Variants in MDM1 observed in about 807,000 individuals in gnomAD.
MDM1 encodes Mdm1 nuclear protein.
A neutral mutation model predicts 89.1 loss-of-function variants in MDM1; 61 were observed. That is an observed-to-expected ratio of 0.68 (90% CI 0.56 to 0.85). The LOEUF is 0.85. Among genes scored for constraint, MDM1 ranks in the 40% least tolerant of loss-of-function variants. The pLI is 0.00. For synonymous variants in MDM1, 290 were observed against 294.1 expected, an observed-to-expected ratio of 0.99 and a Z score of 0.14; for missense variants, 820 against 846.5, an observed-to-expected ratio of 0.97 and a Z score of 0.39.
rs1565781119 is a variant in MDM1 at position 68,321,433 on chromosome 12, CG to C, written c.918del (p.Glu307AsnfsTer7). ...WKHQRLGKVNSEYRAKFLSPA... is the reference protein window; with the variant it reads ...WKHQRLGKVNXEYRAKFLSPA... ...GGGCTCAGAAATTTTGCTCTATATT[CG>C]GAATTCACCTTCCTAATAGAAATGA... On this transcript the variant is annotated frameshift_variant, in exon 7 of 15. Transcript: ENST00000682720. LOFTEE classifies it high-confidence loss of function. The C allele has an allele frequency of 6.2e-7, 1 of 1,613,318 alleles. No homozygotes were observed. The highest frequency in any genetic ancestry group is 8.5e-7 in the Non-Finnish European group (1 of 1,179,696).
rs1416447633 is a variant in MDM1 at position 68,321,406 on chromosome 12, C to T, written c.946G>A (p.Ala316Thr). Residue 316 changes from alanine to threonine, a missense_variant, in exon 7 of 15, where the codon GCT becomes ACT. Transcript: ENST00000682720. The part of the protein sequence containing the change: ...SEYRAKFLSP[A>T]QYLYKAGAWT... ...GCCCCAGCTTTATATAAATACTGAG[C>T]TGGGCTCAGAAATTTTGCTCTATAT... 6.2e-7 allele frequency: 1 copy of T among 1,613,708 alleles called. No individual in the cohort carries two copies. Among genetic ancestry groups the T allele is most frequent in the Non-Finnish European group, 8.5e-7 (1 of 1,179,890 alleles).
At chr12:68,328,080 C>G (rs1876272363) in intron 2 of MDM1, among the ~76,000 whole-genome samples, 2 of 152,290 alleles carry the variant, frequency 1.3e-5, no homozygotes, top group South Asian at 4.1e-4. Flanking sequence ...ACCTCTTAAC[C>G]AGCCTGAAAC....
chr12:68,319,556 A>T (rs1874949554), intron 7 of MDM1, among the ~76,000 whole-genome samples: 1 of 152,218 alleles, frequency 6.6e-6, no homozygotes, highest in East Asian at 1.9e-4. Flanking sequence ...TCAGATGCCT[A>T]TAGTAAATGA....
rs1874033410 is a variant in MDM1, at chr12:68,313,710, T to C, written c.1573A>G (p.Thr525Ala). The change falls in exon 11 of 15, where the codon ACT (threonine) becomes GCT (alanine). Residue 525 changes from threonine to alanine, a missense_variant. By Grantham distance (58) the Thr-to-Ala change is moderately conservative. Coordinates refer to ENST00000682720, the MANE Select transcript of MDM1 (RefSeq NM_001354969.2). ...VSSEKGGRLP[T>A]PKLRELGGIQ... ...CCACCAAGTTCTCTCAGCTTGGGAG[T>C]AGGAAGCCGGCCTCCTTTTTCTGAG... The C allele has an allele frequency of 1.2e-6, 2 of 1,614,092 alleles. No homozygotes were observed. The highest frequency in any genetic ancestry group is 1.1e-5 in the South Asian group (1 of 91,080).
intron 13 of MDM1, among the ~76,000 whole-genome samples, chr12:68,299,638 G>GA (rs1202191219): frequency 7.3e-5 from 11 of 150,654 alleles, no homozygotes; most frequent in Non-Finnish European, 1.2e-4. Flanking sequence ...CAAAAATAAA[G>GA]AAAAAAGAAT....
intron 12 of MDM1, 76 bp from the exon 13 acceptor site, chr12:68,302,948 G>A: frequency 1.5e-6 from 2 of 1,317,160 alleles, no homozygotes; most frequent in Non-Finnish European, 1.0e-6. Flanking sequence ...ACATTTAAAT[G>A]CAAAAAACAT....
chr12:68,326,039 T>A, intron 3 of MDM1: 1 of 995,054 alleles, frequency 1.0e-6, no homozygotes, highest in Non-Finnish European at 1.2e-6. Context: ...CTCTTCAGGG[T>A]CCCAGTCAGT....
chr12:68,323,981 T>C (rs950887209), intron 4 of MDM1, among the ~76,000 whole-genome samples: 1 of 152,146 alleles, frequency 6.6e-6, no homozygotes, highest in African/African-American at 2.4e-5. Flanking sequence ...AGAAAGCAGG[T>C]GTCTGATAAA....
intron 2 of MDM1, among the ~76,000 whole-genome samples, chr12:68,327,847 T>C (rs897328319): frequency 4.6e-5 from 7 of 152,206 alleles, no homozygotes; most frequent in African/African-American, 1.7e-4. Flanking sequence ...ACCACAGGTC[T>C]TCTCACTGGG....
chr12:68,296,880 A>T, intron 14 of MDM1, 43 bp downstream of exon 14: 1 of 1,379,612 alleles, frequency 7.2e-7, no homozygotes, highest in Non-Finnish European at 9.9e-7. Flanking sequence ...ATACTCTCAT[A>T]GACTAGAACT....
intron 14 of MDM1, among the ~76,000 whole-genome samples, chr12:68,296,018 T>C (rs114459269): frequency 7.8e-4 from 119 of 152,306 alleles, no homozygotes; most frequent in African/African-American, 2.7e-3. Context: ...CAAAAAGTCC[T>C]AAACCTGCTA....
At position 68,302,811 on chromosome 12, in the gene MDM1, G is replaced by A; in HGVS notation, c.1811C>T (p.Pro604Leu). 6.2e-7 allele frequency: 1 copy of A among 1,611,282 alleles called. No homozygotes were observed. The highest frequency in any genetic ancestry group is 8.5e-7 in the Non-Finnish European group (1 of 1,179,556). Residue 604 changes from proline (P) to leucine (L), a missense_variant, in exon 13 of 15, where the codon CCT becomes CTT. Coordinates refer to ENST00000682720, the MANE Select transcript of MDM1 (RefSeq NM_001354969.2). ...TTCAGAATCTTCCCGCAAAGGCAGA[G>A]GATCAACTGTTTTTATACCAGCAGC... ...SPAAGIKTVD[P>L]LPLREDSEDN...
At chr12:68,330,004 G>A (rs1213070870) in intron 2 of MDM1, among the ~76,000 whole-genome samples, 3 of 152,068 alleles carry the variant, frequency 2.0e-5, no homozygotes, top group African/African-American at 7.2e-5. Context: ...CAAGACCTTG[G>A]GAGCACTCTT....
chr12:68,304,185 A>G (rs1184767429), intron 12 of MDM1, among the ~76,000 whole-genome samples: 3 of 152,122 alleles, frequency 2.0e-5, no homozygotes, highest in Non-Finnish European at 4.4e-5. Flanking sequence ...CCGAGACGGG[A>G]GGATCACTTT....
rs1048389319 is a variant in MDM1 at position 68,327,106 on chromosome 12, T to C, written c.134-85A>G. 6 of 1,473,052 alleles carry C rather than the reference T, an allele frequency of 4.1e-6. No homozygotes were observed. The Admixed American group carries it at 1.2e-4, about 30-fold the overall frequency. 91.2% of individuals were successfully genotyped at this position (1,473,052 alleles called of 1,614,324 possible). A position where few individuals can be genotyped will look rare whatever the true frequency, so the allele number is the denominator to read the frequency against. On this transcript the variant is annotated intron_variant, in intron 2 of 14. Coordinates refer to ENST00000682720, the MANE Select transcript of MDM1 (RefSeq NM_001354969.2). ...TTTAAGAACACTTGTGGAGGAGAAA[T>C]GAAATTTTAAATTTAGTTCAGATAT...
intron 12 of MDM1, among the ~76,000 whole-genome samples, chr12:68,308,385 C>A (rs1247448738): frequency 1.3e-5 from 2 of 152,156 alleles, no homozygotes; most frequent in African/African-American, 2.4e-5. Context: ...CTTGGCCTCC[C>A]AAACTGCTGG....
At chr12:68,299,277 G>T in intron 13 of MDM1, among the ~76,000 whole-genome samples, 1 of 152,062 alleles carries the variant, frequency 6.6e-6, no homozygotes, top group Non-Finnish European at 1.5e-5. Context: ...TCCAGTAACT[G>T]ATCCAAACCA....
chr12:68,328,994 C>T (rs535525619), intron 2 of MDM1, among the ~76,000 whole-genome samples: 19 of 152,270 alleles, frequency 1.2e-4, no homozygotes, highest in African/African-American at 3.9e-4. Context: ...ATTTCATCAC[C>T]TTCCCCTCAA....
chr12:68,300,791 A>G (rs1232416524), intron 13 of MDM1, among the ~76,000 whole-genome samples: 4 of 152,244 alleles, frequency 2.6e-5, no homozygotes, highest in African/African-American at 9.6e-5. Context: ...ATGGACTTAA[A>G]CAATACTCTA....
Sources: gnomAD v4.1 joint callset for allele counts (sites outside exome capture counted in the v4.1 genomes callset) on GRCh38, gnomAD v4.1.1 for gene constraint, MANE v1.5 for transcripts, NCBI Gene and HGNC (gene_info 2026-07-23, HGNC 2026-07-21) for gene names.